The following AFF3 variants were observed in gnomAD, a reference collection of about 807,000 sequenced individuals.
The protein encoded by AFF3 is AF4/FMR2 family member 3.
AFF3 carries 32 observed loss-of-function variants against 129.7 expected under a neutral mutation model. The observed-to-expected ratio is 0.25, with a 90% CI of 0.19 to 0.33. The LOEUF is 0.33. Among genes scored for constraint, AFF3 ranks in the 10% least tolerant of loss-of-function variants. The probability of loss-of-function intolerance (pLI) is 1.00; values close to 1 mark genes in which losing one functional copy is unlikely to be tolerated. For synonymous variants in AFF3, 644 were observed against 635.4 expected, an observed-to-expected ratio of 1.01 and a Z score of -0.20; for missense variants, 1,373 against 1,592.0, an observed-to-expected ratio of 0.86 and a Z score of 2.34.
chr2:99,642,651 AT>A (rs1414090412), intron 13 of AFF3, among the ~76,000 whole-genome samples: 2 of 152,210 alleles, frequency 1.3e-5, no homozygotes, highest in African/African-American at 4.8e-5. Flanking sequence ...AGCCAGAAAT[AT>A]TGTTACGATG....
intron 1 of AFF3, among the ~76,000 whole-genome samples, chr2:100,140,978 GTGA>G (rs70940197): frequency 1.3e-4 from 20 of 150,938 alleles, no homozygotes; most frequent in South Asian, 4.2e-4. Flanking sequence ...ACAAAAGGTA[GTGA>G]TGATGATGAT....
At chr2:99,959,339 C>CAAAAAAAAAA (rs34083581) in intron 7 of AFF3, among the ~76,000 whole-genome samples, 1 of 66,936 alleles carries the variant, frequency 1.5e-5, no homozygotes, top group African/African-American at 5.6e-5. Flanking sequence ...AAGAGTCTGC[C>CAAAAAAAAAA]AAAAAAAAAA....
intron 11 of AFF3, among the ~76,000 whole-genome samples, chr2:99,679,058 G>T (rs561435741): frequency 3.3e-5 from 5 of 152,164 alleles, no homozygotes; most frequent in Non-Finnish European, 5.9e-5. Context: ...GTGCATCCAA[G>T]GCACAGGTGA....
chr2:99,818,138 G>GA (rs1235993381), intron 8 of AFF3, among the ~76,000 whole-genome samples: 29 of 152,226 alleles, frequency 1.9e-4, no homozygotes, highest in Middle Eastern at 6.8e-3. Context: ...TCCAAAATCT[G>GA]AAAGTTTTTG....
At chr2:99,717,280 G>A (rs1032156151) in intron 11 of AFF3, among the ~76,000 whole-genome samples, 9 of 152,172 alleles carry the variant, frequency 5.9e-5, no homozygotes, top group African/African-American at 2.2e-4. Flanking sequence ...CAATAAATGT[G>A]TGTTCATTTA....
chr2:100,089,170 G>A (rs369600230), intron 4 of AFF3, among the ~76,000 whole-genome samples: 3 of 152,120 alleles, frequency 2.0e-5, no homozygotes, highest in Non-Finnish European at 2.9e-5. Context: ...TCAAATACAC[G>A]TTCACTCACT....
intron 12 of AFF3, among the ~76,000 whole-genome samples, chr2:99,671,532 TTTTA>T: frequency 6.6e-6 from 1 of 151,378 alleles, no homozygotes. Context: ...CTCCTTTGAC[TTTTA>T]TTTAACCTCT....
At chr2:99,985,739 G>T (rs923723706) in intron 7 of AFF3, among the ~76,000 whole-genome samples, 1 of 152,098 alleles carries the variant, frequency 6.6e-6, no homozygotes, top group African/African-American at 2.4e-5. Flanking sequence ...GGGTGGGTAG[G>T]GCCATCACAA....
chr2:100,005,389 T>C, intron 7 of AFF3, among the ~76,000 whole-genome samples: 1 of 152,112 alleles, frequency 6.6e-6, no homozygotes, highest in East Asian at 1.9e-4. Context: ...AATGAAGGGG[T>C]TCCTGGTGGT....
At chr2:99,743,034 C>T (rs1272305163) in intron 10 of AFF3, among the ~76,000 whole-genome samples, 2 of 152,188 alleles carry the variant, frequency 1.3e-5, no homozygotes, top group Non-Finnish European at 2.9e-5. Context: ...TATACCACGA[C>T]GTGGACTTAA....
At chr2:99,761,430 C>G (rs1682582580) in intron 8 of AFF3, among the ~76,000 whole-genome samples, 1 of 152,162 alleles carries the variant, frequency 6.6e-6, no homozygotes, top group South Asian at 2.1e-4. Context: ...AGAACCCACA[C>G]ACTGATGGTG....
chr2:99,838,078 C>T (rs1021438709), intron 7 of AFF3, among the ~76,000 whole-genome samples: 22 of 152,148 alleles, frequency 1.4e-4, no homozygotes, highest in East Asian at 5.8e-4. Context: ...TGGGGCGTCA[C>T]GCTCAAGTCA....
At position 99,827,392 on chromosome 2, in the gene AFF3, G is replaced by A. The variant is rs538411340; in HGVS notation, c.921+10085C>T. ...GGTGTGACAGAGACACCAAGGGCAT[G>A]AGCATTTTCACGTGGATCCTGCAGT... On this transcript the variant is annotated intron_variant, in intron 8 of 24. Transcript: ENST00000672756. 4.6e-5 allele frequency among the ~76,000 whole-genome samples: 7 copies of A among 152,254 alleles called. No homozygotes were observed. In the South Asian group the frequency reaches 1.5e-3, roughly 32 times the overall value.
chr2:99,730,953 G>T (rs1161863819), intron 10 of AFF3, among the ~76,000 whole-genome samples: 1 of 152,036 alleles, frequency 6.6e-6, no homozygotes, highest in Non-Finnish European at 1.5e-5. Flanking sequence ...TAGTCTAAGT[G>T]ATGTGTTTTT....
At chr2:99,590,283 C>T (rs2104927416) in intron 15 of AFF3, among the ~76,000 whole-genome samples, 1 of 152,326 alleles carries the variant, frequency 6.6e-6, no homozygotes, top group Non-Finnish European at 1.5e-5. Context: ...GCCTAGGGCC[C>T]AGGGTGCCAG....
rs142904737 is a variant in AFF3, at chr2:99,948,969, C to T, written c.873+57663G>A. ...ATAAAGGTAAATACATAACAGAGGG[C>T]CTTGTTTAAGTTGACAATAATATTT... On this transcript the variant is annotated intron_variant, in intron 7 of 24. Coordinates refer to ENST00000672756, the MANE Select transcript of AFF3 (RefSeq NM_001386135.1). 3.3e-5 allele frequency among the ~76,000 whole-genome samples: 5 copies of T among 152,192 alleles called. No individual in the cohort carries two copies. The East Asian group carries it at 9.7e-4, about 29-fold the overall frequency.
chr2:99,625,176 T>C (rs990042365), intron 13 of AFF3, among the ~76,000 whole-genome samples: 1 of 152,256 alleles, frequency 6.6e-6, no homozygotes, highest in Non-Finnish European at 1.5e-5. Context: ...GACATTTTCT[T>C]ATGCAATTTC....
intron 7 of AFF3, among the ~76,000 whole-genome samples, chr2:99,885,044 G>C (rs540363066): frequency 6.6e-6 from 1 of 152,200 alleles, no homozygotes; most frequent in Admixed American, 6.5e-5. Context: ...AGCTTCCACT[G>C]TTCAGTTCTC....
At chr2:99,618,893 GATTCATTCATTCATTC>G (rs112677518) in intron 13 of AFF3, among the ~76,000 whole-genome samples, 2 of 149,850 alleles carry the variant, frequency 1.3e-5, no homozygotes, top group African/African-American at 2.5e-5. Flanking sequence ...AGCTCTGATC[GATTCATTCATTCATTC>G]ATTCATTCAT....
Sources: allele counts gnomAD v4.1 joint callset (sites outside exome capture counted in the v4.1 genomes callset), GRCh38; gene constraint gnomAD v4.1.1; transcripts MANE v1.5; gene names NCBI Gene and HGNC (gene_info 2026-07-23, HGNC 2026-07-21).